The following HERC6 variants were observed in gnomAD, a reference collection of about 807,000 sequenced individuals.
HERC6 encodes the protein probable E3 ubiquitin-protein ligase HERC6.
HERC6 carries 101 observed loss-of-function variants against 114.5 expected under a neutral mutation model. The observed-to-expected ratio is 0.88, with a 90% CI of 0.75 to 1.04. The LOEUF (loss-of-function observed/expected upper bound fraction) is 1.04. Ranked by LOEUF, HERC6 falls within the 50% of genes least tolerant of loss-of-function variation. The pLI is 0.00. For synonymous variants in HERC6, 408 were observed against 436.2 expected (o/e 0.94, Z 0.81); for missense variants, 1,133 against 1,230.9 (o/e 0.92, Z 1.19).
intron 1 of HERC6, among the ~76,000 whole-genome samples, chr4:88,380,497 G>T (rs1025290714): frequency 3.0e-5 from 4 of 135,152 alleles, no homozygotes; most frequent in Non-Finnish European, 4.6e-5. Flanking sequence ...GGCGGGCGGA[G>T]CACGAGGTCA....
At chr4:88,425,792 A>C (rs1179002941) in intron 15 of HERC6, among the ~76,000 whole-genome samples, 2 of 147,656 alleles carry the variant, frequency 1.4e-5, no homozygotes, top group East Asian at 4.9e-4. Flanking sequence ...AAATTTTCCA[A>C]ACTTTTTTTT....
At chr4:88,405,044 GC>G in intron 9 of HERC6, 47 bp downstream of exon 9, 3 of 1,587,470 alleles carry the variant, frequency 1.9e-6, no homozygotes, top group Non-Finnish European at 2.6e-6. Context: ...TGGTTCTGGG[GC>G]TTTGGTCATT....
At chr4:88,418,523 TAC>T in intron 13 of HERC6, among the ~76,000 whole-genome samples, 1 of 152,194 alleles carries the variant, frequency 6.6e-6, no homozygotes, top group East Asian at 1.9e-4. Context: ...CTCAAAGAGC[TAC>T]AGTGTTTGAG....
rs1288455284 is a variant in HERC6 at position 88,440,244 on chromosome 4, T to C, written c.2836T>C (p.Phe946Leu). Residue 946 changes from phenylalanine (F) to leucine (L), a missense_variant, in exon 22 of 23, where the codon TTC (phenylalanine) becomes CTC (leucine). Transcript: ENST00000264346. ...ACTAACCTTGGATGAAAAGAAAAAA[T>C]TCCTCTGTAAGTACTGTGGTACTAG... ...HKLTLDEKKK[F>L]LFFLTGRDRL... is the part of the protein sequence containing the mutation. 1 of 1,552,856 alleles carries C rather than the reference T, an allele frequency of 6.4e-7. No individual in the cohort carries two copies. The highest frequency in any genetic ancestry group is 8.8e-7 in the Non-Finnish European group (1 of 1,132,404).
chr4:88,385,533 C>A lies in HERC6; in HGVS notation c.394C>A (p.Gln132Lys), dbSNP rs1441087506. Residue 132 changes from glutamine (Q) to lysine (K), a missense_variant, in exon 3 of 23, where the codon CAA (glutamine) becomes AAA (lysine). Gln to Lys is a moderately conservative substitution (Grantham distance 53, BLOSUM62 1). Transcript: ENST00000264346. The part of the protein sequence containing the change: ...IMTLNDIKII[Q>K]VSCGHYHSLA... ...GACTCTGAATGATATAAAAATAATA[C>A]AAGTTTCCTGTGGACACTACCACTC... 4 of 1,499,270 alleles carry A rather than the reference C, an allele frequency of 2.7e-6. No individual in the cohort carries two copies. In the African/African-American group the frequency reaches 4.3e-5, roughly 16 times the overall value. The allele number at this position is 1,499,270 out of a possible 1,614,324, so 92.9% of individuals were successfully genotyped here.
intron 12 of HERC6, among the ~76,000 whole-genome samples, chr4:88,416,440 T>TA (rs199831723): frequency 1.4e-3 from 218 of 152,268 alleles, no homozygotes; most frequent in Non-Finnish European, 1.9e-3. Context: ...TTTAGGCTAT[T>TA]AAAAATTTTT....
intron 2 of HERC6, 87 bp downstream of exon 2, chr4:88,383,467 G>A (rs773701384): frequency 4.7e-6 from 5 of 1,068,232 alleles, no homozygotes; most frequent in Non-Finnish European, 5.1e-6. Flanking sequence ...ATACAAAGAC[G>A]ACTATGACAG....
rs566785600 is a variant in HERC6, at chr4:88,439,416, G to A, written c.2556-458G>A. On this transcript the variant is annotated intron_variant, in intron 20 of 22. Transcript: ENST00000264346. ...AAGAAAAGGGAAGGGAAAGGGAAAG[G>A]GAAGGGAAGGGAAAGGAAAGAAAGA... Among the ~76,000 whole-genome samples, 1,008 of 151,612 alleles carry A rather than the reference G, an allele frequency of 6.6e-3. 9 individuals carry two copies. Among genetic ancestry groups the A allele is most frequent in the African/African-American group, 0.023 (932 of 41,218 alleles).
In HERC6 at chr4:88,405,598, G is replaced by GT; in HGVS notation, c.1265dup (p.Leu422PhefsTer13). ...TCATCTCCTGCTTGTCTGACTGCAA[G>GT]TTTTTTAAAGAAAAGGTAATACTTA... On this transcript the variant is annotated frameshift_variant, in exon 10 of 23. Coordinates refer to ENST00000264346, the MANE Select transcript of HERC6 (RefSeq NM_017912.4). LOFTEE classifies it high-confidence loss of function. 1 of 1,530,634 alleles carries GT rather than the reference G, an allele frequency of 6.5e-7. No homozygotes were observed. Among genetic ancestry groups the GT allele is most frequent in the Non-Finnish European group, 8.9e-7 (1 of 1,123,986 alleles). 94.8% of individuals were successfully genotyped at this position (1,530,634 alleles called of 1,614,324 possible).
rs373579539 is a variant in HERC6 at position 88,436,859 on chromosome 4, T to G, written c.2418-46T>G. ...TCCATTGAAAATTACTTGTGAAACT[T>G]TATAAGATCAATAAATATAATTTTT... On this transcript the variant is annotated intron_variant, in intron 18 of 22. Coordinates refer to ENST00000264346, the MANE Select transcript of HERC6 (RefSeq NM_017912.4). 3.8e-6 allele frequency: 5 copies of G among 1,332,850 alleles called. No homozygotes were observed. The African/African-American group carries it at 7.4e-5, about 20-fold the overall frequency. The allele number at this position is 1,332,850 out of a possible 1,614,324, so 82.6% of individuals were successfully genotyped here. A position where few individuals can be genotyped will look rare whatever the true frequency, so the allele number is the denominator to read the frequency against.
intron 20 of HERC6, among the ~76,000 whole-genome samples, chr4:88,438,250 C>G (rs1283587024): frequency 6.6e-6 from 1 of 151,456 alleles, no homozygotes; most frequent in African/African-American, 2.4e-5. Flanking sequence ...TTCAATATTT[C>G]CTTTGTAGCT....
intron 16 of HERC6, among the ~76,000 whole-genome samples, chr4:88,429,214 C>T (rs1486367688): frequency 6.6e-6 from 1 of 152,184 alleles, no homozygotes; most frequent in Admixed American, 6.5e-5. Flanking sequence ...CAAGCATGTT[C>T]TTCCCACAGT....
At chr4:88,411,707 A>G (rs1332135934) in intron 11 of HERC6, among the ~76,000 whole-genome samples, 1 of 152,176 alleles carries the variant, frequency 6.6e-6, no homozygotes, top group African/African-American at 2.4e-5. Flanking sequence ...TAGTCCAACA[A>G]GGGTTGGAGG....
Position 88,436,936 on chromosome 4 carries a change from G to A in HERC6, c.2449G>A (p.Asp817Asn). The A allele has an allele frequency of 1.2e-6, 2 of 1,607,734 alleles. No homozygotes were observed. The highest frequency in any genetic ancestry group is 1.7e-6 in the Non-Finnish European group (2 of 1,176,696). Reference sequence around the variant, plus strand: ...GCAAGAAGTTCTAGATGATGCTGCTGATGACATTGGAGATGCGCTCTGCAT... The same window carrying A: ...GCAAGAAGTTCTAGATGATGCTGCTAATGACATTGGAGATGCGCTCTGCAT... ...SLQEVLDDAA[D>N]DIGDALCIRF... The change falls in exon 19 of 23, where the codon GAT becomes AAT. Residue 817 changes from aspartate to asparagine, a missense_variant. By Grantham distance (23) the Asp-to-Asn change is conservative (BLOSUM62 1). This residue lies in a region of HERC6 where 388 missense variants were observed against 445.9 expected (regional missense o/e 0.87). Transcript: ENST00000264346.
rs373229566 is a variant in HERC6 at position 88,390,798 on chromosome 4, G to A, written c.583G>A (p.Ala195Thr). 22 of 1,614,194 alleles carry A rather than the reference G, an allele frequency of 1.4e-5. No homozygotes were observed. In the South Asian group the frequency reaches 2.4e-4, roughly 18 times the overall value. Residue 195 changes from alanine to threonine, a missense_variant, in exon 4 of 23, where the codon GCC becomes ACC. Around this residue, in one of 3 missense-constraint regions of HERC6, gnomAD observed 735 missense variants for 754.0 expected, o/e 0.97. Transcript: ENST00000264346. ...GGCTGCCGGAGGGGCTCACAGCTTT[G>A]CCCTGTCTCTCTGTGGGACTTCGTT... ...QVAAGGAHSF[A>T]LSLCGTSFGW...
chr4:88,419,005 C>T (rs1194921067), intron 13 of HERC6, among the ~76,000 whole-genome samples: 4 of 152,072 alleles, frequency 2.6e-5, no homozygotes, highest in African/African-American at 7.2e-5. Flanking sequence ...GGATTATAGG[C>T]GTGAGTCACT....
chr4:88,386,104 C>T (rs182930217), intron 3 of HERC6, among the ~76,000 whole-genome samples: 70 of 152,102 alleles, frequency 4.6e-4, no homozygotes, highest in Non-Finnish European at 8.4e-4. Flanking sequence ...AATTTTTCCT[C>T]TACCCTCTTA....
intron 9 of HERC6, 30 bp downstream of exon 9, chr4:88,405,027 T>C: frequency 6.2e-7 from 1 of 1,606,842 alleles, no homozygotes; most frequent in African/African-American, 1.3e-5. Flanking sequence ...TATAAGCCAC[T>C]TTTATCTGGT....
Position 88,420,662 on chromosome 4 carries a change from A to G in HERC6, c.1713+3083A>G, listed in dbSNP as rs369172014. On this transcript the variant is annotated intron_variant, in intron 13 of 22. Transcript: ENST00000264346. ...TATAATTCTCTCATTTAAAATATAC[A>G]ATGTCATGCCTGTAATCCCAGCACT... is the stretch of plus-strand genomic sequence containing the variant. Among the ~76,000 whole-genome samples the G allele has an allele frequency of 4.6e-3, 701 of 152,268 alleles. 3 individuals carry two copies. The highest frequency in any genetic ancestry group is 0.016 in the African/African-American group (653 of 41,566).
Sources: allele counts gnomAD v4.1 joint callset (sites outside exome capture counted in the v4.1 genomes callset), GRCh38; gene constraint gnomAD v4.1.1; regional missense constraint gnomAD v4.1.1; transcripts MANE v1.5; gene names NCBI Gene and HGNC (gene_info 2026-07-23, HGNC 2026-07-21).